NCOR1: variants seen among roughly 807,000 people sequenced by gnomAD.
The protein encoded by NCOR1 is nuclear receptor corepressor 1.
A neutral mutation model predicts 288.1 loss-of-function variants in NCOR1; 63 were observed. The ratio of observed to expected loss-of-function variants is 0.22; its 90% CI spans 0.18 to 0.27. The LOEUF is 0.27. NCOR1 is among the 10% of genes least tolerant of loss of function. NCOR1 has a pLI of 1.00. For synonymous variants in NCOR1, 1,007 were observed against 1,065.9 expected (o/e 0.94, Z 1.08); for missense variants, 2,397 against 3,019.2 (o/e 0.79, Z 4.83).
At chr17:16,153,766 A>G (rs758732302) in intron 6 of NCOR1, among the ~76,000 whole-genome samples, 1 of 152,154 alleles carries the variant, frequency 6.6e-6, no homozygotes, top group Non-Finnish European at 1.5e-5. Context: ...TCCCCCAAAC[A>G]TTCTACATAC....
intron 14 of NCOR1, among the ~76,000 whole-genome samples, chr17:16,132,717 C>G (rs893824271): frequency 6.6e-6 from 1 of 151,986 alleles, no homozygotes; most frequent in Admixed American, 6.6e-5. Flanking sequence ...GTAAACACTA[C>G]TAAGCTTCCC....
In NCOR1 at chr17:16,101,610, T is replaced by C. The variant is rs1293065524; in HGVS notation, c.2330A>G (p.Asp777Gly). 3 of 1,614,090 alleles carry C rather than the reference T, an allele frequency of 1.9e-6. No individual in the cohort carries two copies. Among genetic ancestry groups the C allele is most frequent in the Admixed American group, 1.7e-5 (1 of 60,012 alleles). Residue 777 changes from aspartate to glycine, a missense_variant, in exon 20 of 46, where the codon GAT becomes GGT. By Grantham distance (94) the Asp-to-Gly change is moderately conservative (BLOSUM62 -1). Around this residue, in one of 11 missense-constraint regions of NCOR1, gnomAD observed 1,872 missense variants for 2,187.8 expected, o/e 0.86. Coordinates refer to ENST00000268712, the MANE Select transcript of NCOR1 (RefSeq NM_006311.4). ...ATTCACCTGGGTCTCCACACTTTCATCTTCAGCTGGTTTTGTACTTGGAAC... is the reference window on the plus strand; with the variant it reads ...ATTCACCTGGGTCTCCACACTTTCACCTTCAGCTGGTTTTGTACTTGGAAC... Reference protein sequence around the residue: ...LAVPSTKPAEDESVETQVNDS... With the variant: ...LAVPSTKPAEGESVETQVNDS...
intron 40 of NCOR1, among the ~76,000 whole-genome samples, chr17:16,052,025 T>A (rs2059378406): frequency 2.0e-5 from 3 of 152,198 alleles, no homozygotes; most frequent in South Asian, 4.1e-4. Context: ...TTGTTTTGTT[T>A]TGAGATGGAG....
rs1189057000 is a variant in NCOR1, at chr17:16,138,150, T to C, written c.1407+8A>G. The C allele has an allele frequency of 5.0e-6, 8 of 1,609,224 alleles. No individual in the cohort carries two copies. The highest frequency in any genetic ancestry group is 3.3e-4 in the Middle Eastern group (2 of 6,054). ...CTACAAACACTCCCAATGCAAACCATGTCTTACCTTCCTCTCCAAGTATGA... is the reference window on the plus strand; with the variant it reads ...CTACAAACACTCCCAATGCAAACCACGTCTTACCTTCCTCTCCAAGTATGA... On this transcript the variant is annotated splice_region_variant and intron_variant, in intron 13 of 45. Coordinates refer to ENST00000268712, the MANE Select transcript of NCOR1 (RefSeq NM_006311.4).
At chr17:16,120,178 C>G (rs576527406) in intron 16 of NCOR1, among the ~76,000 whole-genome samples, 1 of 152,248 alleles carries the variant, frequency 6.6e-6, no homozygotes, top group East Asian at 1.9e-4. Context: ...TGCATCAACT[C>G]TGAATCCATC....
At chr17:16,148,688 AAAC>A (rs1362513425) in intron 9 of NCOR1, among the ~76,000 whole-genome samples, 11 of 150,260 alleles carry the variant, frequency 7.3e-5, no homozygotes, top group African/African-American at 2.7e-4. Flanking sequence ...AAAAAAAAAA[AAAC>A]AACTCAAGAC....
intron 40 of NCOR1, among the ~76,000 whole-genome samples, chr17:16,052,815 A>T (rs544038996): frequency 2.0e-5 from 3 of 152,236 alleles, no homozygotes; most frequent in Non-Finnish European, 4.4e-5. Flanking sequence ...CTTCCGGCCA[A>T]TATCCTTGAT....
chr17:16,149,819 C>A (rs1324494460), intron 8 of NCOR1, among the ~76,000 whole-genome samples: 1 of 152,142 alleles, frequency 6.6e-6, no homozygotes, highest in African/African-American at 2.4e-5. Context: ...ACTTATCCTT[C>A]TTAACAACTC....
At chr17:16,165,186 A>C in intron 4 of NCOR1, 25 bp from the exon 5 acceptor site, 1 of 1,567,154 alleles carries the variant, frequency 6.4e-7, no homozygotes, top group South Asian at 1.2e-5. Flanking sequence ...ACCAAGAAAA[A>C]CAATTTATTT....
intron 15 of NCOR1, chr17:16,122,565 T>C (rs976142651): frequency 1.3e-5 from 2 of 152,252 alleles, no homozygotes; most frequent in South Asian, 4.1e-4. Context: ...ACTCAGCTTT[T>C]GAAATATCCC....
intron 18 of NCOR1, among the ~76,000 whole-genome samples, chr17:16,117,112 AC>A (rs2071778962): frequency 6.6e-6 from 1 of 152,202 alleles, no homozygotes; most frequent in Non-Finnish European, 1.5e-5. Flanking sequence ...ATAATGTTAT[AC>A]TCTCTGGTTT....
At position 16,046,942 on chromosome 17, in the gene NCOR1, C is replaced by T. The variant is rs182524201; in HGVS notation, c.6679+9G>A. 6.8e-6 allele frequency: 11 copies of T among 1,610,760 alleles called. No individual in the cohort carries two copies. The East Asian group carries it at 1.8e-4, about 26-fold the overall frequency. On this transcript the variant is annotated intron_variant, in intron 42 of 45. Transcript: ENST00000268712. ...TTTATTTGGGGTTCATGAAAGAAAT[C>T]CCACTTACCCATATCAGAGTCACCT... is the stretch of plus-strand genomic sequence containing the variant.
chr17:16,095,053 G>A (rs1288726712), intron 21 of NCOR1, among the ~76,000 whole-genome samples: 1 of 148,618 alleles, frequency 6.7e-6, no homozygotes, highest in African/African-American at 2.5e-5. Context: ...GAGCCCCTCT[G>A]CCTGGCTGCC....
chr17:16,181,359 T>A, intron 3 of NCOR1, among the ~76,000 whole-genome samples: 1 of 144,150 alleles, frequency 6.9e-6, no homozygotes, highest in African/African-American at 2.6e-5. Flanking sequence ...AAAATAAAAA[T>A]ATTGCATGAT....
intron 4 of NCOR1, among the ~76,000 whole-genome samples, chr17:16,169,406 C>G (rs544492276): frequency 6.6e-6 from 1 of 152,082 alleles, no homozygotes. Flanking sequence ...TTCTTTCAAG[C>G]TTATTTAACT....
At chr17:16,065,446 T>G in intron 33 of NCOR1, 39 bp downstream of exon 33, 1 of 1,598,148 alleles carries the variant, frequency 6.3e-7, no homozygotes, top group South Asian at 1.1e-5. Flanking sequence ...TAGGTAAACA[T>G]AATAAATTCT....
At chr17:16,081,214 G>GTTT (rs66769265) in intron 23 of NCOR1, among the ~76,000 whole-genome samples, 6 of 136,440 alleles carry the variant, frequency 4.4e-5, no homozygotes, top group Non-Finnish European at 9.3e-5. Context: ...TTTTCTTTTT[G>GTTT]TTTTTTTTTT....
In NCOR1 at chr17:16,061,383, T is replaced by G; in HGVS notation, c.5881+18A>C. On this transcript the variant is annotated intron_variant, in intron 37 of 45. Coordinates refer to ENST00000268712, the MANE Select transcript of NCOR1 (RefSeq NM_006311.4). ...TTACTCAGACATCACATTGTGAAAC[T>G]CGGATTGAGATACATACAGCTACTA... is the stretch of plus-strand genomic sequence containing the variant. The G allele has an allele frequency of 1.2e-6, 2 of 1,604,294 alleles. No homozygotes were observed. Among genetic ancestry groups the G allele is most frequent in the Non-Finnish European group, 1.7e-6 (2 of 1,173,760 alleles).
intron 14 of NCOR1, among the ~76,000 whole-genome samples, chr17:16,136,555 C>T (rs1307013063): frequency 2.0e-5 from 3 of 151,848 alleles, no homozygotes; most frequent in Non-Finnish European, 4.4e-5. Flanking sequence ...GCCTGTAATC[C>T]CAGCACCTTG....
Sources: allele counts gnomAD v4.1 joint callset (sites outside exome capture counted in the v4.1 genomes callset), GRCh38; gene constraint gnomAD v4.1.1; regional missense constraint gnomAD v4.1.1; transcripts MANE v1.5; gene names NCBI Gene and HGNC (gene_info 2026-07-23, HGNC 2026-07-21).